The following PRRC2B variants were observed in gnomAD, a reference collection of about 807,000 sequenced individuals.
PRRC2B encodes the protein protein PRRC2B.
PRRC2B carries 68 observed loss-of-function variants against 242.3 expected under a neutral mutation model. The observed-to-expected ratio is 0.28, with a 90% CI of 0.23 to 0.34. The LOEUF is 0.34. PRRC2B is among the 10% of genes least tolerant of loss of function. PRRC2B has a pLI of 1.00. For synonymous variants in PRRC2B, 1,228 were observed against 1,173.6 expected, an observed-to-expected ratio of 1.05 and a Z score of -0.95; for missense variants, 2,835 against 2,954.8, an observed-to-expected ratio of 0.96 and a Z score of 0.94.
chr9:131,383,228 G>A (rs1836783910), intron 1 of PRRC2B, among the ~76,000 whole-genome samples: 1 of 151,962 alleles, frequency 6.6e-6, no homozygotes, highest in Non-Finnish European at 1.5e-5. Flanking sequence ...TTCCCCTTCA[G>A]TTTAGATGAC....
chr9:131,490,428 G>T (rs1247848615), intron 28 of PRRC2B: 1 of 518,492 alleles, frequency 1.9e-6, no homozygotes, highest in Non-Finnish European at 3.8e-6. Flanking sequence ...TTTTCATCCT[G>T]CACCATTTTG....
At chr9:131,451,668 T>A (rs145179861) in intron 9 of PRRC2B, among the ~76,000 whole-genome samples, 1 of 151,696 alleles carries the variant, frequency 6.6e-6, no homozygotes, top group African/African-American at 2.4e-5. Context: ...AAATGTTTCA[T>A]GTGTCAGCAT....
intron 9 of PRRC2B, among the ~76,000 whole-genome samples, chr9:131,452,049 T>C (rs1006797452): frequency 1.3e-5 from 2 of 151,652 alleles, no homozygotes; most frequent in Non-Finnish European, 2.9e-5. Flanking sequence ...TAAAATGAGT[T>C]GTGGAGTGTT....
Position 131,442,059 on chromosome 9 carries a change from A to G in PRRC2B, c.470-2126A>G, listed in dbSNP as rs1416410756. ...ATATATTCATGATTCTCGAAGCAGA[A>G]GAAAGAGATGGAACAGCAATGTTGG... On this transcript the variant is annotated intron_variant, in intron 5 of 31. Transcript: ENST00000683519. Among the ~76,000 whole-genome samples, 3 of 152,316 alleles carry G rather than the reference A, an allele frequency of 2.0e-5. No homozygotes were observed. The East Asian group carries it at 5.8e-4, about 29-fold the overall frequency.
rs759055475 is a variant in PRRC2B, at chr9:131,491,540, C to T, written c.6341C>T (p.Pro2114Leu). Residue 2114 changes from proline (P) to leucine (L), a missense_variant, in exon 29 of 32, where the codon CCG becomes CTG. This residue lies in a region of PRRC2B where 574 missense variants were observed against 626.0 expected (regional missense o/e 0.92). Transcript: ENST00000683519. Reference protein sequence around the residue: ...LSVGAPRRIPPPGSQPPVLNT... With the variant: ...LSVGAPRRIPLPGSQPPVLNT... Reference sequence around the variant, plus strand: ...GTTGGGGCCCCCCGAAGGATTCCTCCGCCCGGGTCCCAGCCGCCAGTCCTG... The same window carrying T: ...GTTGGGGCCCCCCGAAGGATTCCTCTGCCCGGGTCCCAGCCGCCAGTCCTG... The T allele has an allele frequency of 8.1e-6, 13 of 1,611,522 alleles. 1 individual carries two copies. The highest frequency in any genetic ancestry group is 5.5e-5 in the South Asian group (5 of 90,816).
chr9:131,476,568 T>C (rs779412899), intron 16 of PRRC2B, 33 bp downstream of exon 16: 70 of 1,537,138 alleles, frequency 4.6e-5, no homozygotes, highest in Non-Finnish European at 5.7e-5. Context: ...CCCTTTTTGT[T>C]GTTGTGTTCT....
intron 10 of PRRC2B, among the ~76,000 whole-genome samples, chr9:131,458,392 G>C (rs900323612): frequency 2.6e-5 from 4 of 152,138 alleles, no homozygotes; most frequent in African/African-American, 9.6e-5. Flanking sequence ...TGGCTTCCCT[G>C]GGCCACACTG....
intron 5 of PRRC2B, among the ~76,000 whole-genome samples, chr9:131,440,933 C>G (rs1020021053): frequency 7.2e-5 from 11 of 152,080 alleles, no homozygotes; most frequent in African/African-American, 2.7e-4. Flanking sequence ...AACCCTGTCT[C>G]TACAAGAAAT....
intron 13 of PRRC2B, among the ~76,000 whole-genome samples, chr9:131,469,947 A>G (rs1383136852): frequency 6.6e-6 from 1 of 152,170 alleles, no homozygotes; most frequent in Non-Finnish European, 1.5e-5. Context: ...GAGTGCAACA[A>G]AGGAGCACTG....
chr9:131,494,456 G>C lies in PRRC2B; in HGVS notation c.6525G>C (p.Met2175Ile), dbSNP rs1480312168. 6.2e-7 allele frequency: 1 copy of C among 1,605,534 alleles called. No homozygotes were observed. Among genetic ancestry groups the C allele is most frequent in the East Asian group, 2.2e-5 (1 of 44,650 alleles). Residue 2175 changes from methionine to isoleucine, a missense_variant, in exon 31 of 32, where the codon ATG (methionine) becomes ATC (isoleucine). Physicochemically the swap from Met to Ile is conservative, Grantham distance 10. Around this residue, in one of 7 missense-constraint regions of PRRC2B, gnomAD observed 574 missense variants for 626.0 expected, o/e 0.92. Coordinates refer to ENST00000683519, the MANE Select transcript of PRRC2B (RefSeq NM_013318.4). The surrounding 1 kb of genome is among the most constrained non-coding windows in gnomAD (Gnocchi z 4.3). Reference sequence around the variant, plus strand: ...AGCCCTCTGGATCAGCAGTTAACATGGGCTCTGTGCAGGGACACTACGTGC... The same window carrying C: ...AGCCCTCTGGATCAGCAGTTAACATCGGCTCTGTGCAGGGACACTACGTGC... Reference protein sequence around the residue: ...SGKPSGSAVNMGSVQGHYVQQ... With the variant: ...SGKPSGSAVNIGSVQGHYVQQ...
At chr9:131,490,845 C>G in intron 28 of PRRC2B, 2 of 314,630 alleles carry the variant, frequency 6.4e-6, no homozygotes, top group Non-Finnish European at 6.4e-6. Context: ...TCTTTTGGGA[C>G]TTGGCTTCGC....
At chr9:131,431,903 T>A (rs1838186632) in intron 2 of PRRC2B, among the ~76,000 whole-genome samples, 3 of 152,142 alleles carry the variant, frequency 2.0e-5, no homozygotes, top group South Asian at 2.1e-4. Context: ...AAGAATTTTT[T>A]AAATTTTGTT....
At position 131,459,783 on chromosome 9, in the gene PRRC2B, C is replaced by T. The variant is rs1943189080; in HGVS notation, c.1404+427C>T. Among the ~76,000 whole-genome samples the T allele has an allele frequency of 2.0e-5, 3 of 152,044 alleles. No homozygotes were observed. The South Asian group carries it at 6.2e-4, about 31-fold the overall frequency. ...TGAGCTCGTGGGCTCAAGGGATCCT[C>T]CTACCTCAGCCTCCCAAAGTGCTGA... On this transcript the variant is annotated intron_variant, in intron 11 of 31. Coordinates refer to ENST00000683519, the MANE Select transcript of PRRC2B (RefSeq NM_013318.4).
At chr9:131,405,257 G>A (rs952251674) in intron 1 of PRRC2B, among the ~76,000 whole-genome samples, 6 of 152,286 alleles carry the variant, frequency 3.9e-5, no homozygotes, top group Non-Finnish European at 7.3e-5. Context: ...GCCACTGTGG[G>A]AGCTGGAAGG....
rs765458862 is a variant in PRRC2B at position 131,447,696 on chromosome 9, C to T, written c.1012C>T (p.Arg338Cys). 45 of 1,611,442 alleles carry T rather than the reference C, an allele frequency of 2.8e-5. No individual in the cohort carries two copies. The highest frequency in any genetic ancestry group is 1.0e-4 in the Admixed American group (6 of 59,796). The change falls in exon 9 of 32, where the codon CGC becomes TGC. Residue 338 changes from arginine (R) to cysteine (C), a missense_variant. Physicochemically the swap from Arg to Cys is radical, Grantham distance 180 (BLOSUM62 -3). This residue lies in a region of PRRC2B where 626 missense variants were observed against 685.5 expected (regional missense o/e 0.91). Coordinates refer to ENST00000683519, the MANE Select transcript of PRRC2B (RefSeq NM_013318.4). The stretch of plus-strand genomic sequence containing the variant: ...CAGGCTGGGATTGTCTCGCCCACTC[C>T]GCCCACTAAGGCAGCTGGTGGAGCG... ...ENRLGLSRPL[R>C]PLRQLVERAP...
At chr9:131,420,492 T>TCC (rs1491233321) in intron 1 of PRRC2B, among the ~76,000 whole-genome samples, 5 of 23,028 alleles carry the variant, frequency 2.2e-4, no homozygotes, top group African/African-American at 6.1e-4. Context: ...TTTCTTTCTT[T>TCC]CTTTTTTTTT....
intron 1 of PRRC2B, among the ~76,000 whole-genome samples, chr9:131,380,426 C>T (rs906593396): frequency 6.6e-6 from 1 of 151,284 alleles, no homozygotes; most frequent in African/African-American, 2.4e-5. Flanking sequence ...AAAAATACAA[C>T]AAATTAGCCA....
intron 1 of PRRC2B, among the ~76,000 whole-genome samples, chr9:131,388,186 T>TA (rs566083129): frequency 0.14 from 17,537 of 121,912 alleles, 1,826 homozygotes; most frequent in African/African-American, 0.27. Flanking sequence ...AGACGCTGTC[T>TA]AAAAAAAAAA....
At chr9:131,486,265 C>T (rs1046016231) in intron 26 of PRRC2B, 83 bp downstream of exon 26, 3 of 1,002,908 alleles carry the variant, frequency 3.0e-6, no homozygotes, top group Admixed American at 4.4e-5. Context: ...TCATCTATTT[C>T]TCATTGTCTG....
Sources: allele counts gnomAD v4.1 joint callset (sites outside exome capture counted in the v4.1 genomes callset), GRCh38; gene constraint gnomAD v4.1.1; regional missense constraint gnomAD v4.1.1; non-coding constraint Gnocchi (gnomAD v3.1); transcripts MANE v1.5; gene names NCBI Gene and HGNC (gene_info 2026-07-23, HGNC 2026-07-21).